ADGRV1: variants seen among roughly 807,000 people sequenced by gnomAD.
The protein encoded by ADGRV1 is G-protein coupled receptor 98.
In ADGRV1, 359 loss-of-function variants were observed where a neutral mutation model predicts 596.2. The ratio of observed to expected loss-of-function variants is 0.60; its 90% CI spans 0.55 to 0.66. ADGRV1 has a LOEUF of 0.66. Ranked by LOEUF, ADGRV1 falls within the 30% of genes least tolerant of loss-of-function variation. ADGRV1 has a pLI of 0.00. For synonymous variants in ADGRV1, 2,681 were observed against 2,679.2 expected, an observed-to-expected ratio of 1.00 and a Z score of -0.02; for missense variants, 7,274 against 7,575.6, an observed-to-expected ratio of 0.96 and a Z score of 1.48.
Position 90,728,824 on chromosome 5 carries a change from C to T in ADGRV1, c.10317C>T (p.Gly3439=), listed in dbSNP as rs1471266354. 6.2e-7 allele frequency: 1 copy of T among 1,613,872 alleles called. No individual in the cohort carries two copies. Among genetic ancestry groups the T allele is most frequent in the South Asian group, 1.1e-5 (1 of 91,076 alleles). The part of the protein sequence containing the change: ...RLNSLLFRWS[G]SGFINFQEVP... Reference sequence around the variant, plus strand: ...ACTCCCTTTTATTCAGATGGTCTGGCAGTGGGTTTATTAACTTTCAAGAGG... The same window carrying T: ...ACTCCCTTTTATTCAGATGGTCTGGTAGTGGGTTTATTAACTTTCAAGAGG... Residue 3439 remains glycine (G), a synonymous_variant, in exon 49 of 90, where the codon GGC becomes GGT. Coordinates refer to ENST00000405460, the MANE Select transcript of ADGRV1 (RefSeq NM_032119.4).
intron 86 of ADGRV1, among the ~76,000 whole-genome samples, chr5:91,101,996 C>T (rs1791420488): frequency 1.3e-5 from 2 of 152,144 alleles, no homozygotes; most frequent in Non-Finnish European, 2.9e-5. Flanking sequence ...GAACAGTTCT[C>T]ATCCTCCCCC....
intron 85 of ADGRV1, among the ~76,000 whole-genome samples, chr5:91,008,913 A>T (rs1329991440): frequency 6.6e-6 from 1 of 152,162 alleles, no homozygotes; most frequent in Non-Finnish European, 1.5e-5. Flanking sequence ...AGTATTTTAC[A>T]TGGCTCCTTG....
intron 77 of ADGRV1, 62 bp downstream of exon 77, chr5:90,829,248 T>A: frequency 8.0e-7 from 1 of 1,254,222 alleles, no homozygotes; most frequent in Non-Finnish European, 1.1e-6. Context: ...ACAGCAAGAG[T>A]AATGACATAG....
At chr5:90,922,777 T>C (rs1237922525) in intron 83 of ADGRV1, among the ~76,000 whole-genome samples, 1 of 152,208 alleles carries the variant, frequency 6.6e-6, no homozygotes, top group Non-Finnish European at 1.5e-5. Flanking sequence ...AGCATCTGCA[T>C]TTGTAACTAG....
intron 83 of ADGRV1, among the ~76,000 whole-genome samples, chr5:90,923,819 C>T (rs530924271): frequency 2.1e-4 from 32 of 150,494 alleles, no homozygotes; most frequent in Admixed American, 9.9e-4. Context: ...TGTGATATTC[C>T]CCTTCCTGTG....
At chr5:91,098,991 T>C (rs1422496296) in intron 86 of ADGRV1, among the ~76,000 whole-genome samples, 1 of 152,266 alleles carries the variant, frequency 6.6e-6, no homozygotes, top group African/African-American at 2.4e-5. Context: ...TATTAGGGTA[T>C]CTTGTCAGAA....
At chr5:91,084,426 A>G (rs139536654) in intron 86 of ADGRV1, among the ~76,000 whole-genome samples, 1,758 of 152,340 alleles carry the variant, frequency 0.012, 39 homozygotes, top group African/African-American at 0.041. Flanking sequence ...AAGGATATGA[A>G]CAGACATTTC....
chr5:90,844,250 T>C (rs901291404), intron 78 of ADGRV1, among the ~76,000 whole-genome samples: 1 of 152,182 alleles, frequency 6.6e-6, no homozygotes, highest in South Asian at 2.1e-4. Flanking sequence ...TTCTGTAAGA[T>C]ATTATATTTT....
intron 84 of ADGRV1, 149 bp downstream of exon 84, chr5:90,965,680 C>A: frequency 2.0e-6 from 1 of 507,010 alleles, no homozygotes; most frequent in Non-Finnish European, 3.5e-6. Flanking sequence ...AATAAAAACA[C>A]CCTATAAGCT....
At chr5:90,959,962 A>AC (rs1371042813) in intron 83 of ADGRV1, among the ~76,000 whole-genome samples, 1 of 151,924 alleles carries the variant, frequency 6.6e-6, no homozygotes, top group Non-Finnish European at 1.5e-5. Context: ...ACACGGTGAA[A>AC]CCCCGTCTCT....
chr5:90,744,734 C>T (rs948568120), intron 50 of ADGRV1, among the ~76,000 whole-genome samples: 3 of 151,980 alleles, frequency 2.0e-5, no homozygotes, highest in Non-Finnish European at 2.9e-5. Flanking sequence ...TTTAAAATAT[C>T]CTAATATGCT....
intron 50 of ADGRV1, among the ~76,000 whole-genome samples, chr5:90,730,249 A>G (rs757148298): frequency 2.2e-4 from 34 of 151,752 alleles, no homozygotes; most frequent in Non-Finnish European, 3.5e-4. Context: ...TTTGAATTTC[A>G]ATTTTCCTTT....
intron 71 of ADGRV1, 176 bp from the exon 72 acceptor site, chr5:90,805,108 A>G: frequency 2.4e-6 from 1 of 420,102 alleles, no homozygotes; most frequent in Non-Finnish European, 4.1e-6. Context: ...CCTAAATAAT[A>G]AAGTAAAATA....
intron 21 of ADGRV1, among the ~76,000 whole-genome samples, chr5:90,670,437 C>T (rs183492126): frequency 2.6e-5 from 4 of 152,040 alleles, no homozygotes; most frequent in East Asian, 1.9e-4. Flanking sequence ...TGTAGTTGAT[C>T]GGTGAGGGGC....
intron 48 of ADGRV1, among the ~76,000 whole-genome samples, chr5:90,728,318 A>G (rs1561610629): frequency 6.6e-6 from 1 of 152,060 alleles, no homozygotes; most frequent in Non-Finnish European, 1.5e-5. Context: ...TCCGTTCTAA[A>G]TTTTTCATAT....
At chr5:90,681,278 A>ATTTTTTT (rs368491786) in intron 26 of ADGRV1, 37 bp from the exon 27 acceptor site, 1 of 1,453,192 alleles carries the variant, frequency 6.9e-7, no homozygotes. Flanking sequence ...ACTGATCATC[A>ATTTTTTT]TTTTTTTTTT....
rs190590395 is a variant in ADGRV1 at position 90,634,694 on chromosome 5, G to T, written c.1840-420G>T. ...TGTAGGTGGCAAGGAGGAAAAGCAG[G>T]TGGTGGCACTGCTGATGATACTAGT... On this transcript the variant is annotated intron_variant, in intron 9 of 89. Coordinates refer to ENST00000405460, the MANE Select transcript of ADGRV1 (RefSeq NM_032119.4). Among the ~76,000 whole-genome samples the T allele has an allele frequency of 4.6e-5, 7 of 152,244 alleles. No individual in the cohort carries two copies. In the East Asian group the frequency reaches 1.4e-3, roughly 29 times the overall value.
intron 76 of ADGRV1, 132 bp downstream of exon 76, chr5:90,823,728 C>G: frequency 2.7e-6 from 2 of 741,004 alleles, no homozygotes; most frequent in East Asian, 2.8e-5. Context: ...GCCATAATGT[C>G]TAAATCTCTT....
chr5:90,929,949 T>C (rs1775064824), intron 83 of ADGRV1, among the ~76,000 whole-genome samples: 1 of 152,204 alleles, frequency 6.6e-6, no homozygotes, highest in South Asian at 2.1e-4. Context: ...TATTTTAGTT[T>C]AGTTTTTTAT....
Sources: allele counts gnomAD v4.1 joint callset (sites outside exome capture counted in the v4.1 genomes callset), GRCh38; gene constraint gnomAD v4.1.1; transcripts MANE v1.5; gene names NCBI Gene and HGNC (gene_info 2026-07-23, HGNC 2026-07-21).